The following SGCD variants were observed in gnomAD, a reference collection of about 807,000 sequenced individuals.
SGCD encodes delta-sarcoglycan.
A neutral mutation model predicts 36.6 loss-of-function variants in SGCD; 18 were observed. The ratio of observed to expected loss-of-function variants is 0.49; its 90% CI spans 0.34 to 0.73. SGCD has a LOEUF of 0.73. Among genes scored for constraint, SGCD ranks in the 30% least tolerant of loss-of-function variants. The pLI is 0.01. For missense variants in SGCD, 387 were observed against 346.7 expected, an observed-to-expected ratio of 1.12 and a Z score of -0.92; for synonymous variants, 133 against 130.6, an observed-to-expected ratio of 1.02 and a Z score of -0.12.
intron 3 of SGCD, among the ~76,000 whole-genome samples, chr5:156,503,316 A>G (rs1756536793): frequency 6.6e-6 from 1 of 152,166 alleles, no homozygotes; most frequent in Non-Finnish European, 1.5e-5. Context: ...CTCCAAAAAT[A>G]GCAGAAGATT....
chr5:156,101,463 G>T (rs1761513168), intron 1 of SGCD, among the ~76,000 whole-genome samples: 1 of 152,152 alleles, frequency 6.6e-6, no homozygotes, highest in South Asian at 2.1e-4. Flanking sequence ...AGAGAATATT[G>T]TTTAACATTG....
At chr5:156,269,469 CAAAA>C (rs60893052) in intron 3 of SGCD, among the ~76,000 whole-genome samples, 9,777 of 30,122 alleles carry the variant, frequency 0.32, 1,589 homozygotes, top group Admixed American at 0.44. Flanking sequence ...GACTCCGTCT[CAAAA>C]AAAAAAAAAA....
At chr5:155,775,640 C>T in the SGCD span, among the ~76,000 whole-genome samples, 3 of 152,176 alleles carry the variant, frequency 2.0e-5, no homozygotes, top group Non-Finnish European at 2.9e-5. Context: ...GCAACTATCA[C>T]TTGCTTCTTT....
intron 4 of SGCD, among the ~76,000 whole-genome samples, chr5:156,533,091 G>A (rs931160134): frequency 5.3e-5 from 8 of 152,076 alleles, no homozygotes; most frequent in African/African-American, 1.9e-4. Flanking sequence ...TGGCTTTCTC[G>A]GTAGCCATGC....
intron 3 of SGCD, among the ~76,000 whole-genome samples, chr5:156,223,187 G>A (rs1764761960): frequency 6.6e-6 from 1 of 152,114 alleles, no homozygotes; most frequent in African/African-American, 2.4e-5. Flanking sequence ...AAGTTCAAAG[G>A]AAGTAAGGAC....
chr5:156,472,393 G>T (rs575926932), intron 3 of SGCD, among the ~76,000 whole-genome samples: 1 of 152,172 alleles, frequency 6.6e-6, no homozygotes, highest in African/African-American at 2.4e-5. Context: ...AAAAAATAAA[G>T]AACTAATATA....
intron 5 of SGCD, among the ~76,000 whole-genome samples, chr5:156,593,474 C>T (rs1760804944): frequency 2.6e-5 from 4 of 152,166 alleles, no homozygotes. Context: ...AAAGACCAAA[C>T]ATCCCCCTAT....
the SGCD span, among the ~76,000 whole-genome samples, chr5:155,763,380 A>C: frequency 4.9e-4 from 74 of 152,288 alleles, 1 homozygote; most frequent in African/African-American, 1.6e-3. Context: ...ATAATATTAT[A>C]ACAGTAATGG....
intron 3 of SGCD, among the ~76,000 whole-genome samples, chr5:156,466,816 G>T (rs529899209): frequency 4.0e-5 from 6 of 151,834 alleles, no homozygotes; most frequent in Non-Finnish European, 7.4e-5. Context: ...TCTAGTCAAA[G>T]AAAATGTTTT....
intron 1 of SGCD, among the ~76,000 whole-genome samples, chr5:155,889,995 G>A (rs564384677): frequency 6.6e-6 from 1 of 152,312 alleles, no homozygotes; most frequent in African/African-American, 2.4e-5. Flanking sequence ...ATGATATAAA[G>A]CAGCATATTT....
chr5:156,141,721 G>C (rs1244846338), intron 3 of SGCD, among the ~76,000 whole-genome samples: 1 of 152,110 alleles, frequency 6.6e-6, no homozygotes, highest in Non-Finnish European at 1.5e-5. Flanking sequence ...CATATCCAGA[G>C]CATAGTGAAG....
At chr5:155,802,947 A>G in the SGCD span, among the ~76,000 whole-genome samples, 1 of 152,214 alleles carries the variant, frequency 6.6e-6, no homozygotes, top group Non-Finnish European at 1.5e-5. Context: ...ATCCATGGGG[A>G]AAACAAGTAG....
chr5:156,337,353 A>T (rs1426647571), intron 2 of SGCD, among the ~76,000 whole-genome samples: 2 of 152,120 alleles, frequency 1.3e-5, no homozygotes, highest in African/African-American at 2.4e-5. Flanking sequence ...AACTTACTTG[A>T]TTTGTATCAC....
chr5:155,752,318 A>C, the SGCD span, among the ~76,000 whole-genome samples: 4 of 152,206 alleles, frequency 2.6e-5, no homozygotes, highest in African/African-American at 7.2e-5. Flanking sequence ...AAGTTTCTGC[A>C]TGGTGTGGCT....
chr5:156,242,142 G>T (rs953998107), intron 3 of SGCD, among the ~76,000 whole-genome samples: 24 of 152,246 alleles, frequency 1.6e-4, no homozygotes, highest in African/African-American at 5.1e-4. Flanking sequence ...TTAAACTGTG[G>T]TATATCTATA....
intron 1 of SGCD, among the ~76,000 whole-genome samples, chr5:156,041,452 A>C (rs140479575): frequency 6.6e-6 from 1 of 152,314 alleles, no homozygotes; most frequent in African/African-American, 2.4e-5. Flanking sequence ...AGGGAAGGGT[A>C]GAAATATCAG....
Position 156,689,718 on chromosome 5 carries a change from C to T in SGCD, c.575+42182C>T, listed in dbSNP as rs77417979. ...GGTCATCAGGGCTGTTCTGACTTGA[C>T]AGGTAGGAGGCTCTGAACAGGAAAG... On this transcript the variant is annotated intron_variant, in intron 7 of 8. Coordinates refer to ENST00000337851, the MANE Select transcript of SGCD (RefSeq NM_000337.6). Among the ~76,000 whole-genome samples the T allele has an allele frequency of 3.8e-3, 581 of 152,198 alleles. 6 individuals carry two copies. Among genetic ancestry groups the T allele is most frequent in the African/African-American group, 0.013 (545 of 41,538 alleles).
intron 3 of SGCD, among the ~76,000 whole-genome samples, chr5:156,395,903 C>A (rs1771823226): frequency 6.6e-6 from 1 of 152,132 alleles, no homozygotes; most frequent in Non-Finnish European, 1.5e-5. Flanking sequence ...AAACTTGACA[C>A]AAGGAGTCAT....
intron 7 of SGCD, among the ~76,000 whole-genome samples, chr5:156,752,297 G>T (rs539539983): frequency 6.6e-6 from 1 of 152,298 alleles, no homozygotes; most frequent in Admixed American, 6.5e-5. Context: ...CTCCCGGGGG[G>T]AAGGAAATAG....
Sources: gnomAD v4.1 joint callset for allele counts (sites outside exome capture counted in the v4.1 genomes callset) on GRCh38, gnomAD v4.1.1 for gene constraint, MANE v1.5 for transcripts, NCBI Gene and HGNC (gene_info 2026-07-23, HGNC 2026-07-21) for gene names.